DHX36: variants seen among roughly 807,000 people sequenced by gnomAD.
DHX36 encodes ATP-dependent DNA/RNA helicase DHX36.
DHX36 carries 50 observed loss-of-function variants against 139.0 expected under a neutral mutation model. That is an observed-to-expected ratio of 0.36 (90% CI 0.29 to 0.46). DHX36 has a LOEUF of 0.46. Among genes scored for constraint, DHX36 ranks in the 20% least tolerant of loss-of-function variants. The pLI, the probability that DHX36 is intolerant of heterozygous loss-of-function variation, is 1.00. For synonymous variants in DHX36, 425 were observed against 401.9 expected, an observed-to-expected ratio of 1.06 and a Z score of -0.69; for missense variants, 1,024 against 1,211.3, an observed-to-expected ratio of 0.85 and a Z score of 2.29.
At chr3:154,302,246 T>A (rs1261888683) in intron 9 of DHX36, among the ~76,000 whole-genome samples, 2 of 152,176 alleles carry the variant, frequency 1.3e-5, no homozygotes, top group African/African-American at 4.8e-5. Context: ...TCCCAGAGTT[T>A]GTGTGTGTTT....
intron 1 of DHX36, 133 bp from the exon 2 acceptor site, chr3:154,316,296 T>A (rs1051694940): frequency 8.5e-7 from 1 of 1,175,474 alleles, no homozygotes; most frequent in Admixed American, 2.5e-5. Flanking sequence ...TATCCACAGG[T>A]GTCCTCTAGC....
At chr3:154,299,516 T>C (rs1442200970) in intron 12 of DHX36, among the ~76,000 whole-genome samples, 1 of 152,196 alleles carries the variant, frequency 6.6e-6, no homozygotes, top group Admixed American at 6.5e-5. Flanking sequence ...TGATGGGGTC[T>C]AGGTATCTGA....
chr3:154,297,446 C>T (rs1712086832), intron 12 of DHX36, among the ~76,000 whole-genome samples: 1 of 152,198 alleles, frequency 6.6e-6, no homozygotes, highest in Admixed American at 6.5e-5. Context: ...GGTGCAGTGG[C>T]TCACGCCCGC....
At position 154,276,819 on chromosome 3, in the gene DHX36, G is replaced by A. The variant is rs377323319; in HGVS notation, c.2769C>T (p.Asn923=). The A allele has an allele frequency of 1.2e-5, 19 of 1,613,676 alleles. No homozygotes were observed. Among genetic ancestry groups the A allele is most frequent in the Middle Eastern group, 1.6e-4 (1 of 6,080 alleles). Reference sequence around the variant, plus strand: ...CATCTACAGCAATAGTTTCCTGATCGTTATCCTTCTGGATGGAAATGTCAC... The same window carrying A: ...CATCTACAGCAATAGTTTCCTGATCATTATCCTTCTGGATGGAAATGTCAC... ...FGGDISIQKD[N]DQETIAVDEW... Residue 923 remains asparagine (N), a synonymous_variant, in exon 24 of 25, where the codon AAC becomes AAT. Coordinates refer to ENST00000496811, the MANE Select transcript of DHX36 (RefSeq NM_020865.3).
At chr3:154,315,730 C>A (rs182346564) in intron 2 of DHX36, among the ~76,000 whole-genome samples, 1 of 152,018 alleles carries the variant, frequency 6.6e-6, no homozygotes, top group Admixed American at 6.6e-5. Flanking sequence ...AAAACGGTAG[C>A]AATTTCACTT....
Position 154,273,018 on chromosome 3 carries a change from A to G in DHX36, c.*3153T>C, listed in dbSNP as rs1296614189. On this transcript the variant is annotated 3_prime_UTR_variant, in exon 25 of 25. Coordinates refer to ENST00000496811, the MANE Select transcript of DHX36 (RefSeq NM_020865.3). ...TGCTCACTGTTCAACGATGCTTTTG[A>G]AAGATTATTCAGTAGTTTAATTTCT... The G allele has an allele frequency of 1.3e-5, 2 of 152,162 alleles. No homozygotes were observed. The highest frequency in any genetic ancestry group is 3.8e-4 in the East Asian group (2 of 5,202). 9.4% of individuals were successfully genotyped at this position (152,162 alleles called of 1,614,324 possible). A position where few individuals can be genotyped will look rare whatever the true frequency, so the allele number is the denominator to read the frequency against.
intron 17 of DHX36, 65 bp downstream of exon 17, chr3:154,288,795 CATTATA>C: frequency 1.2e-6 from 1 of 867,694 alleles, no homozygotes; most frequent in Non-Finnish European, 1.7e-6. Flanking sequence ...TGAGAGTAAA[CATTATA>C]ATTAACTGGT....
At chr3:154,300,041 G>T in intron 11 of DHX36, 116 bp from the exon 12 acceptor site, 2 of 678,770 alleles carry the variant, frequency 2.9e-6, no homozygotes, top group South Asian at 1.9e-5. Flanking sequence ...GATAATTTTC[G>T]TTAATAATTA....
At chr3:154,299,692 T>C (rs1712190488) in intron 12 of DHX36, 146 bp downstream of exon 12, 5 of 686,798 alleles carry the variant, frequency 7.3e-6, no homozygotes, top group Non-Finnish European at 1.3e-5. Context: ...AAAGAAAATA[T>C]TCTCTTCATA....
chr3:154,284,748 A>G, intron 18 of DHX36, 66 bp downstream of exon 18: 1 of 1,597,272 alleles, frequency 6.3e-7, no homozygotes, highest in Non-Finnish European at 8.5e-7. Flanking sequence ...AACGCTAATG[A>G]AAAATATATC....
chr3:154,305,915 C>T (rs1712484388), intron 6 of DHX36, among the ~76,000 whole-genome samples: 1 of 152,118 alleles, frequency 6.6e-6, no homozygotes, highest in African/African-American at 2.4e-5. Flanking sequence ...GGAGGTGGTA[C>T]TGAAAGGTCT....
At chr3:154,317,275 G>C (rs1267692299) in intron 1 of DHX36, among the ~76,000 whole-genome samples, 1 of 151,972 alleles carries the variant, frequency 6.6e-6, no homozygotes, top group Non-Finnish European at 1.5e-5. Context: ...TTGGATTTTA[G>C]GCAATTAAGA....
chr3:154,323,203 C>T (rs1222713602), intron 1 of DHX36, among the ~76,000 whole-genome samples: 2 of 151,944 alleles, frequency 1.3e-5, no homozygotes, highest in Admixed American at 6.6e-5. Flanking sequence ...GAGGTGGTGG[C>T]GGACGCCTGT....
At chr3:154,321,492 T>C (rs1713183535) in intron 1 of DHX36, among the ~76,000 whole-genome samples, 1 of 152,218 alleles carries the variant, frequency 6.6e-6, no homozygotes, top group Admixed American at 6.5e-5. Flanking sequence ...ATAGCCCATA[T>C]TCTCTAATAC....
At position 154,284,648 on chromosome 3, in the gene DHX36, C is replaced by A. The variant is rs759590228; in HGVS notation, c.2227G>T (p.Ala743Ser). 1.2e-5 allele frequency: 20 copies of A among 1,612,228 alleles called. No homozygotes were observed. The highest frequency in any genetic ancestry group is 1.6e-5 in the Non-Finnish European group (19 of 1,179,046). The change falls in exon 19 of 25, where the codon GCA (alanine) becomes TCA (serine). Residue 743 changes from alanine to serine, a missense_variant. By Grantham distance (99) the Ala-to-Ser change is moderately conservative. This residue lies in a region of DHX36 where 470 missense variants were observed against 616.2 expected (regional missense o/e 0.76). Transcript: ENST00000496811. ...IPLGKEKIAD[A>S]RRKELAKDTR... ...TCCTTTGCCAATTCCTTTCTTCTTG[C>A]ATCTGCAATCTTTTCTTTTCCCTTA...
intron 17 of DHX36, 45 bp from the exon 18 acceptor site, chr3:154,285,032 T>C: frequency 6.3e-7 from 1 of 1,592,686 alleles, no homozygotes; most frequent in Non-Finnish European, 8.6e-7. Context: ...TGTAAAGCAT[T>C]ACATTTAAAA....
At chr3:154,321,962 C>G (rs1713204509) in intron 1 of DHX36, among the ~76,000 whole-genome samples, 1 of 148,830 alleles carries the variant, frequency 6.7e-6, no homozygotes, top group African/African-American at 2.5e-5. Flanking sequence ...TTTGAAAACA[C>G]ATGACATGAC....
intron 19 of DHX36, among the ~76,000 whole-genome samples, chr3:154,283,514 T>G (rs922152557): frequency 6.6e-6 from 1 of 152,134 alleles, no homozygotes. Context: ...TAGTAATATA[T>G]TAATTATGTA....
intron 22 of DHX36, chr3:154,279,684 C>A (rs925899219): frequency 6.6e-6 from 1 of 152,150 alleles, no homozygotes; most frequent in African/African-American, 2.4e-5. Flanking sequence ...CAAAATCATG[C>A]CAGTTGAGAA....
Sources: gnomAD v4.1 joint callset for allele counts (sites outside exome capture counted in the v4.1 genomes callset) on GRCh38, gnomAD v4.1.1 for gene constraint, gnomAD v4.1.1 regional missense constraint, MANE v1.5 for transcripts, NCBI Gene and HGNC (gene_info 2026-07-23, HGNC 2026-07-21) for gene names.